RNF43: variants seen among roughly 807,000 people sequenced by gnomAD.
The protein encoded by RNF43 is E3 ubiquitin-protein ligase RNF43.
Under a neutral mutation model 78.4 loss-of-function variants are expected in RNF43, and 37 were observed. The observed-to-expected ratio is 0.47, with a 90% CI of 0.36 to 0.62. RNF43 has a LOEUF of 0.62. Among genes scored for constraint, RNF43 ranks in the 20% least tolerant of loss-of-function variants. RNF43 has a pLI of 0.00. For missense variants in RNF43, 774 were observed against 1,007.9 expected (o/e 0.77, Z 3.14); for synonymous variants, 347 against 395.0 (o/e 0.88, Z 1.44).
chr17:58,401,635 A>G (rs1402959498), intron 2 of RNF43, among the ~76,000 whole-genome samples: 1 of 152,210 alleles, frequency 6.6e-6, no homozygotes, highest in East Asian at 1.9e-4. Context: ...ATTGCTTGAA[A>G]AAGTAGGACA....
intron 2 of RNF43, among the ~76,000 whole-genome samples, chr17:58,398,610 AC>A: frequency 6.6e-6 from 1 of 152,222 alleles, no homozygotes; most frequent in Non-Finnish European, 1.5e-5. Context: ...AAGACAAAAC[AC>A]ATTTTCAGAA....
rs973765221 is a variant in RNF43, at chr17:58,357,451, T to C, written c.2308+17A>G. 1.9e-6 allele frequency: 3 copies of C among 1,613,982 alleles called. No individual in the cohort carries two copies. The African/African-American group carries it at 4.0e-5, about 22-fold the overall frequency. On this transcript the variant is annotated intron_variant, in intron 9 of 9. Coordinates refer to ENST00000407977, the MANE Select transcript of RNF43 (RefSeq NM_017763.6). The surrounding 1 kb of genome is among the most constrained non-coding windows in gnomAD (Gnocchi z 4.5). ...GTCTCCTCTCCCTACCACACCCACT[T>C]CCCTCTGAAAACTCACCAGGCTGGG...
At chr17:58,356,900 T>TC in intron 9 of RNF43, 1 of 208,348 alleles carries the variant, frequency 4.8e-6, no homozygotes, top group East Asian at 9.7e-5. Flanking sequence ...TTTTTTTTTT[T>TC]TTTTTTTTTT....
chr17:58,391,095 T>A (rs914352936), intron 2 of RNF43, among the ~76,000 whole-genome samples: 2 of 152,204 alleles, frequency 1.3e-5, no homozygotes, highest in African/African-American at 4.8e-5. Context: ...CATTGTGCCT[T>A]GCACCAGGGT....
Position 58,360,331 on chromosome 17 carries a change from C to A in RNF43, c.850-80G>T. ...AGGAATCAGGACATCCCCCAACTCCCTTAGGCCTCTCCTTGCTATTATCTA... is the reference window on the plus strand; with the variant it reads ...AGGAATCAGGACATCCCCCAACTCCATTAGGCCTCTCCTTGCTATTATCTA... On this transcript the variant is annotated intron_variant, in intron 7 of 9. Coordinates refer to ENST00000407977, the MANE Select transcript of RNF43 (RefSeq NM_017763.6). This position sits in a 1 kb window ranked among gnomAD's most constrained non-coding sequence, Gnocchi z 4.3. The A allele has an allele frequency of 2.0e-6, 2 of 978,722 alleles. No homozygotes were observed. Among genetic ancestry groups the A allele is most frequent in the East Asian group, 2.4e-5 (1 of 41,128 alleles). The allele number at this position is 978,722 out of a possible 1,614,324, so 60.6% of individuals were successfully genotyped here.
intron 3 of RNF43, among the ~76,000 whole-genome samples, chr17:58,364,437 C>T (rs1286202532): frequency 6.6e-6 from 1 of 152,076 alleles, no homozygotes; most frequent in Non-Finnish European, 1.5e-5. Context: ...ATAGCAGTGC[C>T]AGAAAGAGAA....
chr17:58,373,019 T>C (rs1973132363), intron 2 of RNF43, among the ~76,000 whole-genome samples: 1 of 152,192 alleles, frequency 6.6e-6, no homozygotes, highest in Non-Finnish European at 1.5e-5. Flanking sequence ...CCAATTTCTC[T>C]GAAGACTGTG....
intron 2 of RNF43, among the ~76,000 whole-genome samples, chr17:58,407,395 C>T (rs1246419947): frequency 1.3e-5 from 2 of 152,048 alleles, no homozygotes; most frequent in African/African-American, 2.4e-5. Context: ...ACAAGAATTT[C>T]TAAATATTGT....
intron 2 of RNF43, among the ~76,000 whole-genome samples, chr17:58,403,625 T>A (rs1306506528): frequency 1.3e-5 from 2 of 152,032 alleles, no homozygotes; most frequent in Non-Finnish European, 2.9e-5. Flanking sequence ...CAGCGGAAGT[T>A]TTCCAACTCT....
At position 58,357,641 on chromosome 17, in the gene RNF43, G is replaced by A. The variant is rs1054570594; in HGVS notation, c.2135C>T (p.Pro712Leu). 11 of 1,613,840 alleles carry A rather than the reference G, an allele frequency of 6.8e-6. No individual in the cohort carries two copies. Among genetic ancestry groups the A allele is most frequent in the Non-Finnish European group, 9.3e-6 (11 of 1,179,886 alleles). ...GPPGLDKRLLPETPGPCYSNS... is the reference protein window; with the variant it reads ...GPPGLDKRLLLETPGPCYSNS... Reference sequence around the variant, plus strand: ...TGAGTAACAGGGGCCTGGGGTTTCTGGTAGCAGCCTCTTGTCCAGGCCTGG... The same window carrying A: ...TGAGTAACAGGGGCCTGGGGTTTCTAGTAGCAGCCTCTTGTCCAGGCCTGG... Residue 712 changes from proline (P) to leucine (L), a missense_variant, in exon 9 of 10, where the codon CCA (proline) becomes CTA (leucine). Transcript: ENST00000407977. This position sits in a 1 kb window ranked among gnomAD's most constrained non-coding sequence, Gnocchi z 4.5.
chr17:58,354,794 C>A lies in RNF43; in HGVS notation c.*149G>T, dbSNP rs911409494. 2.7e-6 allele frequency: 2 copies of A among 737,022 alleles called. No homozygotes were observed. Among genetic ancestry groups the A allele is most frequent in the Non-Finnish European group, 4.8e-6 (2 of 415,566 alleles). 45.7% of individuals were successfully genotyped at this position (737,022 alleles called of 1,614,324 possible). A position where few individuals can be genotyped will look rare whatever the true frequency, so the allele number is the denominator to read the frequency against. The stretch of plus-strand genomic sequence containing the variant: ...ACGGCACCCTCTCACCCTCCACCAT[C>A]ACCAGTCCTCTTCCAGTGCTTCTAG... On this transcript the variant is annotated 3_prime_UTR_variant, in exon 10 of 10. Coordinates refer to ENST00000407977, the MANE Select transcript of RNF43 (RefSeq NM_017763.6).
chr17:58,407,488 T>C (rs553690060), intron 2 of RNF43, among the ~76,000 whole-genome samples: 3 of 152,356 alleles, frequency 2.0e-5, no homozygotes, highest in East Asian at 3.9e-4. Flanking sequence ...TAAATCATTT[T>C]GGTTACTCTG....
chr17:58,384,514 G>A (rs1185431997), intron 2 of RNF43, among the ~76,000 whole-genome samples: 1 of 152,170 alleles, frequency 6.6e-6, no homozygotes, highest in Non-Finnish European at 1.5e-5. Flanking sequence ...CTTTGATGTT[G>A]CATTTTATAT....
In RNF43 at chr17:58,357,421, C is replaced by A. The variant is rs2143381919; in HGVS notation, c.2308+47G>T. On this transcript the variant is annotated intron_variant, in intron 9 of 9. Transcript: ENST00000407977. The surrounding 1 kb of genome is among the most constrained non-coding windows in gnomAD (Gnocchi z 4.5). ...ACTTCACCTGTCCTGAAATATTCAG[C>A]TGTAGTCTCCTCTCCCTACCACACC... 6.2e-7 allele frequency: 1 copy of A among 1,610,794 alleles called. No homozygotes were observed. Among genetic ancestry groups the A allele is most frequent in the African/African-American group, 1.3e-5 (1 of 74,988 alleles).
intron 2 of RNF43, among the ~76,000 whole-genome samples, chr17:58,410,389 C>T (rs899381753): frequency 1.3e-5 from 2 of 152,138 alleles, no homozygotes; most frequent in Non-Finnish European, 2.9e-5. Flanking sequence ...AATGTTTGTG[C>T]GCACAGAGGA....
rs1007555340 is a variant in RNF43 at position 58,377,666 on chromosome 17, C to CCCCA, written c.253-6637_253-6634dup. Among the ~76,000 whole-genome samples, 4 of 133,196 alleles carry CCCCA rather than the reference C, an allele frequency of 3.0e-5. No individual in the cohort carries two copies. In the East Asian group the frequency reaches 7.9e-4, roughly 26 times the overall value. 87.4% of individuals were successfully genotyped at this position (133,196 alleles called of 152,430 possible). Reference sequence around the variant, plus strand: ...TCTCCTGTTTCCCAGGAACTCTCCTCCCCACCCACCCACCCACCCCCTCCT... The same window carrying CCCCA: ...TCTCCTGTTTCCCAGGAACTCTCCTCCCCACCCACCCACCCACCCACCCCCTCCT... On this transcript the variant is annotated intron_variant, in intron 2 of 9. Coordinates refer to ENST00000407977, the MANE Select transcript of RNF43 (RefSeq NM_017763.6).
rs953160493 is a variant in RNF43, at chr17:58,400,776, G to C, written c.252+14550C>G. Among the ~76,000 whole-genome samples, 7 of 152,082 alleles carry C rather than the reference G, an allele frequency of 4.6e-5. No homozygotes were observed. The South Asian group carries it at 1.5e-3, about 32-fold the overall frequency. ...CCTGTGCAAAGAGCACCATTTGGTG[G>C]GCATATTATCTTAATTATTTGATTG... On this transcript the variant is annotated intron_variant, in intron 2 of 9. Coordinates refer to ENST00000407977, the MANE Select transcript of RNF43 (RefSeq NM_017763.6).
At position 58,412,658 on chromosome 17, in the gene RNF43, G is replaced by C. The variant is rs542802680; in HGVS notation, c.252+2668C>G. Among the ~76,000 whole-genome samples the C allele has an allele frequency of 3.7e-4, 55 of 148,264 alleles. 1 individual carries two copies. The South Asian group carries it at 0.011, about 30-fold the overall frequency. ...CAAATTGGGGGCACATTGTCAAGGG[G>C]GGGGGTCTCCTTTTGTCTAAGAAAA... On this transcript the variant is annotated intron_variant, in intron 2 of 9. Coordinates refer to ENST00000407977, the MANE Select transcript of RNF43 (RefSeq NM_017763.6).
chr17:58,365,389 G>C (rs374724845), intron 3 of RNF43, among the ~76,000 whole-genome samples: 1 of 152,134 alleles, frequency 6.6e-6, no homozygotes, highest in African/African-American at 2.4e-5. Flanking sequence ...GACCCACCCT[G>C]GCCTGGAAGA....
Sources: allele counts gnomAD v4.1 joint callset (sites outside exome capture counted in the v4.1 genomes callset), GRCh38; gene constraint gnomAD v4.1.1; non-coding constraint Gnocchi (gnomAD v3.1); transcripts MANE v1.5; gene names NCBI Gene and HGNC (gene_info 2026-07-23, HGNC 2026-07-21).